EDIL3: variants seen among roughly 807,000 people sequenced by gnomAD.
EDIL3 encodes EGF-like repeat and discoidin I-like domain-containing protein 3.
A neutral mutation model predicts 67.4 loss-of-function variants in EDIL3; 37 were observed. The ratio of observed to expected loss-of-function variants is 0.55; its 90% confidence interval spans 0.42 to 0.72. EDIL3 has a LOEUF of 0.72. EDIL3 is among the 30% of genes least tolerant of loss of function. The pLI is 0.00. For missense variants in EDIL3, 527 were observed against 586.3 expected, an observed-to-expected ratio of 0.90 and a Z score of 1.04; for synonymous variants, 195 against 196.3, an observed-to-expected ratio of 0.99 and a Z score of 0.05.
At position 84,052,570 on chromosome 5, in the gene EDIL3, C is replaced by T. The variant is rs571191181; in HGVS notation, c.1137+7730G>A. ...TGCTGTATTCAGGAAACCCATCTCA[C>T]GTGCAGAGACACACATAGGCTCAAA... On this transcript the variant is annotated intron_variant, in intron 9 of 10. Transcript: ENST00000296591. Among the ~76,000 whole-genome samples, 444 of 152,188 alleles carry T rather than the reference C, an allele frequency of 2.9e-3. 3 individuals are homozygous for T. Among genetic ancestry groups the T allele is most frequent in the African/African-American group, 8.6e-3 (357 of 41,490 alleles).
chr5:84,061,142 A>C (rs1746535174), intron 8 of EDIL3, among the ~76,000 whole-genome samples: 1 of 152,192 alleles, frequency 6.6e-6, no homozygotes, highest in African/African-American at 2.4e-5. Flanking sequence ...AGAAGATAAT[A>C]AGATAATTCT....
chr5:84,181,416 G>C (rs1749011022), intron 3 of EDIL3, among the ~76,000 whole-genome samples: 1 of 152,160 alleles, frequency 6.6e-6, no homozygotes, highest in African/African-American at 2.4e-5. Context: ...AGTCGTGCCT[G>C]ACCTGAGACT....
intron 9 of EDIL3, among the ~76,000 whole-genome samples, chr5:84,011,595 C>T (rs897114851): frequency 1.3e-5 from 2 of 152,140 alleles, no homozygotes; most frequent in East Asian, 3.9e-4. Flanking sequence ...TTTTATCACA[C>T]ACAAATCAAA....
At position 84,078,294 on chromosome 5, in the gene EDIL3, G is replaced by A. The variant is rs114068175; in HGVS notation, c.652-11688C>T. Among the ~76,000 whole-genome samples, 893 of 151,918 alleles carry A rather than the reference G, an allele frequency of 5.9e-3. 13 individuals carry two copies. Among genetic ancestry groups the A allele is most frequent in the African/African-American group, 0.021 (854 of 41,216 alleles). On this transcript the variant is annotated intron_variant, in intron 6 of 10. Transcript: ENST00000296591. Reference sequence around the variant, plus strand: ...ATTAAAATATAAAGTGTACCTGTGTGTATGTGTGTGTGTGTGAGCTCTCAC... The same window carrying A: ...ATTAAAATATAAAGTGTACCTGTGTATATGTGTGTGTGTGTGAGCTCTCAC...
chr5:84,159,910 C>T (rs111435080), intron 4 of EDIL3, among the ~76,000 whole-genome samples: 2,152 of 152,104 alleles, frequency 0.014, 47 homozygotes, highest in African/African-American at 0.049. Context: ...TACTTTGGCA[C>T]TGCTTTATCT....
intron 4 of EDIL3, among the ~76,000 whole-genome samples, chr5:84,164,290 A>T (rs1247126402): frequency 6.6e-6 from 1 of 152,108 alleles, no homozygotes; most frequent in Non-Finnish European, 1.5e-5. Flanking sequence ...ATGTAGATAA[A>T]ATAGCTTTTA....
chr5:84,312,097 G>T (rs1746404122), intron 1 of EDIL3, among the ~76,000 whole-genome samples: 1 of 152,074 alleles, frequency 6.6e-6, no homozygotes, highest in Non-Finnish European at 1.5e-5. Context: ...ACGGGGTGGT[G>T]GCTGGGCAGC....
rs577299244 is a variant in EDIL3, at chr5:84,022,488, C to G, written c.1137+37812G>C. Among the ~76,000 whole-genome samples the G allele has an allele frequency of 7.2e-5, 11 of 151,944 alleles. No homozygotes were observed. The South Asian group carries it at 2.3e-3, about 31-fold the overall frequency. ...TAATATTTAGGAAAACTAAAAGACT[C>G]TACCAAAAAATTATTAGAACTGATA... On this transcript the variant is annotated intron_variant, in intron 9 of 10. Transcript: ENST00000296591.
chr5:84,184,165 G>A (rs1749061614), intron 3 of EDIL3, among the ~76,000 whole-genome samples: 1 of 152,082 alleles, frequency 6.6e-6, no homozygotes, highest in Admixed American at 6.6e-5. Context: ...CAAGGAAGGA[G>A]GTAAATGGAA....
intron 3 of EDIL3, among the ~76,000 whole-genome samples, chr5:84,209,652 CTT>C (rs1187361655): frequency 1.3e-5 from 2 of 150,706 alleles, no homozygotes; most frequent in Non-Finnish European, 3.0e-5. Flanking sequence ...AAAAGAAAAA[CTT>C]GACTCTTTCA....
intron 4 of EDIL3, among the ~76,000 whole-genome samples, chr5:84,152,761 G>A (rs2112331513): frequency 6.6e-6 from 1 of 152,248 alleles, no homozygotes; most frequent in East Asian, 1.9e-4. Context: ...AAGCTACAGA[G>A]TTATCTTTAG....
chr5:84,346,765 C>G (rs770733003), intron 1 of EDIL3, among the ~76,000 whole-genome samples: 1 of 152,076 alleles, frequency 6.6e-6, no homozygotes, highest in Non-Finnish European at 1.5e-5. Context: ...AGTTCATCCT[C>G]TTTCTACTAG....
chr5:84,072,661 G>T (rs1394992310), intron 6 of EDIL3, among the ~76,000 whole-genome samples: 1 of 152,058 alleles, frequency 6.6e-6, no homozygotes, highest in Non-Finnish European at 1.5e-5. Flanking sequence ...TTGGCAAAAA[G>T]TTATTCCCTA....
chr5:84,073,046 C>T (rs926619263), intron 6 of EDIL3, among the ~76,000 whole-genome samples: 1 of 152,202 alleles, frequency 6.6e-6, no homozygotes, highest in African/African-American at 2.4e-5. Flanking sequence ...TTGACAGGGG[C>T]TGCTTCTTCT....
At chr5:84,152,433 A>G (rs1748412871) in intron 4 of EDIL3, among the ~76,000 whole-genome samples, 1 of 152,182 alleles carries the variant, frequency 6.6e-6, no homozygotes, top group Admixed American at 6.5e-5. Context: ...GGCTATCTCC[A>G]TAACAAGTGC....
chr5:83,978,849 A>G (rs903608980), intron 9 of EDIL3, among the ~76,000 whole-genome samples: 3 of 152,096 alleles, frequency 2.0e-5, no homozygotes, highest in African/African-American at 7.2e-5. Context: ...CTTAAATGTA[A>G]AAAGTGAAAC....
chr5:84,260,425 A>G (rs906938941), intron 1 of EDIL3, among the ~76,000 whole-genome samples: 5 of 152,202 alleles, frequency 3.3e-5, no homozygotes, highest in African/African-American at 1.2e-4. Flanking sequence ...ATAAGTGTTT[A>G]TTGCCAGCAA....
intron 9 of EDIL3, among the ~76,000 whole-genome samples, chr5:83,983,719 A>AC (rs1745010687): frequency 6.6e-6 from 1 of 151,508 alleles, no homozygotes; most frequent in Non-Finnish European, 1.5e-5. Flanking sequence ...GGACAATCTG[A>AC]CAGGTGGGAG....
In EDIL3 at chr5:84,220,639, T is replaced by A. The variant is rs577751957; in HGVS notation, c.226+9216A>T. Among the ~76,000 whole-genome samples the A allele has an allele frequency of 9.1e-4, 139 of 152,286 alleles. No individual in the cohort carries two copies. The Middle Eastern group carries it at 0.01, about 11-fold the overall frequency. On this transcript the variant is annotated intron_variant, in intron 3 of 10. Transcript: ENST00000296591. ...CCTAGTATGCATTTCTTTGATTCTGTTCTTAAGGAGTACCCTCATTTTTGT... is the reference window on the plus strand; with the variant it reads ...CCTAGTATGCATTTCTTTGATTCTGATCTTAAGGAGTACCCTCATTTTTGT...
Sources: gnomAD v4.1 joint callset for allele counts (sites outside exome capture counted in the v4.1 genomes callset) on GRCh38, gnomAD v4.1.1 for gene constraint, MANE v1.5 for transcripts, NCBI Gene and HGNC (gene_info 2026-07-23, HGNC 2026-07-21) for gene names.